Variants in DPP10 observed in about 807,000 individuals in gnomAD.
DPP10 encodes dipeptidyl peptidase like 10, also known as inactive dipeptidyl peptidase 10.
In DPP10, 33 loss-of-function variants were observed where a neutral mutation model predicts 120.9. The ratio of observed to expected loss-of-function variants is 0.27; its 90% CI spans 0.21 to 0.37. The LOEUF is 0.37. Ranked by LOEUF, DPP10 falls within the 10% of genes least tolerant of loss-of-function variation. The pLI is 1.00. For synonymous variants in DPP10, 337 were observed against 326.1 expected, an observed-to-expected ratio of 1.03 and a Z score of -0.36; for missense variants, 816 against 942.8, an observed-to-expected ratio of 0.87 and a Z score of 1.76.
At chr2:114,924,161 C>T (rs942984253) in intron 1 of DPP10, among the ~76,000 whole-genome samples, 1 of 152,112 alleles carries the variant, frequency 6.6e-6, no homozygotes, top group Admixed American at 6.5e-5. Context: ...ATGTGTTTTC[C>T]CTAAAACCAG....
intron 3 of DPP10, among the ~76,000 whole-genome samples, chr2:115,384,003 G>C (rs535891181): frequency 2.0e-5 from 3 of 152,242 alleles, no homozygotes; most frequent in Admixed American, 1.3e-4. Context: ...TTAGAATACT[G>C]CCTGCATGCT....
intron 3 of DPP10, among the ~76,000 whole-genome samples, chr2:115,481,791 G>T (rs1199989107): frequency 6.6e-6 from 1 of 151,682 alleles, no homozygotes; most frequent in East Asian, 1.9e-4. Flanking sequence ...CTCTTTTATT[G>T]ATAAAAATAC....
chr2:115,287,664 C>T (rs1046301444), intron 1 of DPP10, among the ~76,000 whole-genome samples: 3 of 152,018 alleles, frequency 2.0e-5, no homozygotes, highest in Admixed American at 6.6e-5. Flanking sequence ...ATAATGTTTC[C>T]GTGGACTCAT....
intron 1 of DPP10, among the ~76,000 whole-genome samples, chr2:115,167,466 G>A (rs934000248): frequency 1.3e-5 from 2 of 151,900 alleles, no homozygotes; most frequent in African/African-American, 4.8e-5. Context: ...AATTATCAGG[G>A]TTTAGTGACA....
intron 13 of DPP10, 110 bp downstream of exon 13, chr2:115,768,514 A>G: frequency 2.4e-6 from 2 of 839,514 alleles, no homozygotes; most frequent in East Asian, 2.7e-5. Context: ...ACCCAGCCAT[A>G]TATACAACTC....
chr2:115,031,181 C>T (rs997002805), intron 1 of DPP10, among the ~76,000 whole-genome samples: 13 of 151,832 alleles, frequency 8.6e-5, no homozygotes, highest in Non-Finnish European at 1.6e-4. Context: ...AAATATTTTT[C>T]AAGGTATCAG....
At chr2:114,522,999 G>A (rs1336409559) in intron 1 of DPP10, among the ~76,000 whole-genome samples, 1 of 152,166 alleles carries the variant, frequency 6.6e-6, no homozygotes, top group Admixed American at 6.6e-5. Context: ...ATTTGAGTAG[G>A]CACATGCAGC....
chr2:114,788,989 A>G (rs1378905045), intron 1 of DPP10, among the ~76,000 whole-genome samples: 3 of 152,154 alleles, frequency 2.0e-5, no homozygotes, highest in African/African-American at 7.2e-5. Context: ...ATCAACTCCA[A>G]GGGTTAAAAA....
intron 1 of DPP10, among the ~76,000 whole-genome samples, chr2:115,229,689 C>T (rs113176020): frequency 7.2e-5 from 10 of 139,810 alleles, no homozygotes; most frequent in African/African-American, 1.3e-4. Context: ...TCTGAGTTCT[C>T]CTATTCTATT....
chr2:115,201,723 C>T (rs550241708), intron 1 of DPP10, among the ~76,000 whole-genome samples: 3 of 152,160 alleles, frequency 2.0e-5, no homozygotes, highest in East Asian at 3.9e-4. Context: ...ATGACTCCAC[C>T]TCCTGCTCTG....
At chr2:114,881,760 G>C (rs978240908) in intron 1 of DPP10, among the ~76,000 whole-genome samples, 2 of 152,088 alleles carry the variant, frequency 1.3e-5, no homozygotes, top group Non-Finnish European at 2.9e-5. Flanking sequence ...CAAGTTGTTT[G>C]CATCATTGGA....
At chr2:115,250,235 GAT>G (rs1191797206) in intron 1 of DPP10, among the ~76,000 whole-genome samples, 3 of 152,120 alleles carry the variant, frequency 2.0e-5, no homozygotes, top group Non-Finnish European at 4.4e-5. Context: ...TTGTAAAACA[GAT>G]ATTTACTGAG....
At chr2:114,477,374 T>C (rs980846569) in intron 1 of DPP10, among the ~76,000 whole-genome samples, 4 of 152,130 alleles carry the variant, frequency 2.6e-5, no homozygotes, top group Non-Finnish European at 5.9e-5. Flanking sequence ...CAGTATATTA[T>C]TGAATTTTAT....
chr2:115,034,734 T>A (rs1704104930), intron 1 of DPP10, among the ~76,000 whole-genome samples: 1 of 152,210 alleles, frequency 6.6e-6, no homozygotes, highest in Admixed American at 6.5e-5. Flanking sequence ...GACTTCTCAC[T>A]CTTCCTCACT....
At chr2:115,068,688 T>C (rs1707125354) in intron 1 of DPP10, among the ~76,000 whole-genome samples, 1 of 152,178 alleles carries the variant, frequency 6.6e-6, no homozygotes, top group African/African-American at 2.4e-5. Flanking sequence ...CTTTCAATAA[T>C]TTTATAGTTT....
chr2:115,503,603 T>C (rs2076796226), intron 4 of DPP10, among the ~76,000 whole-genome samples: 1 of 152,250 alleles, frequency 6.6e-6, no homozygotes, highest in Non-Finnish European at 1.5e-5. Flanking sequence ...AATGGATGAT[T>C]TGTTAATTAT....
At chr2:114,533,907 A>G (rs1573588185) in intron 1 of DPP10, among the ~76,000 whole-genome samples, 1 of 152,190 alleles carries the variant, frequency 6.6e-6, no homozygotes, top group Non-Finnish European at 1.5e-5. Context: ...GGTCCTTTAC[A>G]TCTAAAAACT....
chr2:115,171,843 G>T (rs779384609), intron 1 of DPP10, among the ~76,000 whole-genome samples: 1 of 152,030 alleles, frequency 6.6e-6, no homozygotes. Context: ...TAGACTTTTG[G>T]CACCTGGCCA....
intron 1 of DPP10, among the ~76,000 whole-genome samples, chr2:115,265,268 C>CATATATATATAT (rs55778302): frequency 1.7e-4 from 24 of 142,498 alleles, no homozygotes; most frequent in Admixed American, 2.8e-4. Context: ...CTTTGGATTC[C>CATATATATATAT]ATATATATAT....
Sources: allele counts gnomAD v4.1 joint callset (sites outside exome capture counted in the v4.1 genomes callset), GRCh38; gene constraint gnomAD v4.1.1; transcripts MANE v1.5; gene names NCBI Gene and HGNC (gene_info 2026-07-23, HGNC 2026-07-21).